Variants in NRXN1 observed in about 807,000 individuals in gnomAD.
The protein encoded by NRXN1 is neurexin 1, also known as neurexin-1.
In NRXN1, 39 loss-of-function variants were observed where a neutral mutation model predicts 150.9. The observed-to-expected ratio is 0.26, with a 90% confidence interval of 0.20 to 0.34. The LOEUF (loss-of-function observed/expected upper bound fraction) is 0.34, where lower values mean the gene tolerates loss of function less well. NRXN1 is among the 10% of genes least tolerant of loss of function. The pLI, the probability that NRXN1 is intolerant of heterozygous loss-of-function variation, is 1.00. For missense variants in NRXN1, 1,815 were observed against 1,949.9 expected (o/e 0.93, Z 1.30); for synonymous variants, 924 against 757.0 (o/e 1.22, Z -3.62).
intron 15 of NRXN1, among the ~76,000 whole-genome samples, chr2:50,489,431 T>C (rs2091101979): frequency 6.6e-6 from 1 of 152,228 alleles, no homozygotes; most frequent in East Asian, 1.9e-4. Context: ...TTCTTTTCAG[T>C]GTGTTGCTGC....
intron 21 of NRXN1, among the ~76,000 whole-genome samples, chr2:49,977,267 T>G (rs1679152127): frequency 6.6e-6 from 1 of 151,970 alleles, no homozygotes; most frequent in Non-Finnish European, 1.5e-5. Flanking sequence ...CGGATGGTGA[T>G]TTTGCTCCAT....
intron 17 of NRXN1, among the ~76,000 whole-genome samples, chr2:50,249,376 A>T (rs1394606909): frequency 6.6e-6 from 1 of 152,040 alleles, no homozygotes; most frequent in Non-Finnish European, 1.5e-5. Flanking sequence ...TGAGTGGGGC[A>T]TTTTGACACA....
chr2:50,996,562 G>C (rs1171376974), intron 2 of NRXN1, among the ~76,000 whole-genome samples: 1 of 152,036 alleles, frequency 6.6e-6, no homozygotes, highest in Non-Finnish European at 1.5e-5. Context: ...CAGAAATCTT[G>C]AGTTGACATC....
intron 5 of NRXN1, chr2:50,918,704 G>C (rs542780250): frequency 1.6e-4 from 53 of 336,894 alleles, no homozygotes; most frequent in African/African-American, 9.3e-4. Context: ...ACATACATAG[G>C]AAAAGAAACA....
intron 5 of NRXN1, among the ~76,000 whole-genome samples, chr2:50,784,839 G>T (rs1704855464): frequency 1.3e-5 from 2 of 152,034 alleles, no homozygotes; most frequent in Admixed American, 1.3e-4. Flanking sequence ...GATCCATAGT[G>T]GGGGCACTGT....
intron 5 of NRXN1, among the ~76,000 whole-genome samples, chr2:50,726,370 C>T (rs560575568): frequency 1.3e-5 from 2 of 152,140 alleles, no homozygotes; most frequent in Non-Finnish European, 2.9e-5. Context: ...ACCTTAGCTG[C>T]GCGTGGTGGC....
At chr2:50,895,429 C>G (rs1204219381) in intron 5 of NRXN1, among the ~76,000 whole-genome samples, 1 of 152,076 alleles carries the variant, frequency 6.6e-6, no homozygotes, top group Non-Finnish European at 1.5e-5. Flanking sequence ...CCACTTGAGC[C>G]TGTTTTCTCT....
intron 2 of NRXN1, among the ~76,000 whole-genome samples, chr2:50,990,809 T>C (rs577829703): frequency 2.6e-5 from 4 of 152,094 alleles, no homozygotes; most frequent in Admixed American, 1.3e-4. Context: ...AGCTGAAGTG[T>C]CGTAGTGCTG....
chr2:50,282,301 G>A (rs770790589), intron 17 of NRXN1, among the ~76,000 whole-genome samples: 6 of 152,096 alleles, frequency 3.9e-5, no homozygotes, highest in Non-Finnish European at 7.4e-5. Context: ...TTAATTTTAG[G>A]CAGGTCACTC....
chr2:49,988,044 C>T (rs1681231934), intron 21 of NRXN1, among the ~76,000 whole-genome samples: 1 of 151,962 alleles, frequency 6.6e-6, no homozygotes, highest in African/African-American at 2.4e-5. Flanking sequence ...ACTGCCAAAT[C>T]AGATCCTTTG....
At chr2:50,366,057 C>T (rs932802740) in intron 17 of NRXN1, among the ~76,000 whole-genome samples, 5 of 151,500 alleles carry the variant, frequency 3.3e-5, no homozygotes, top group African/African-American at 9.7e-5. Context: ...ATGTTACTTT[C>T]ACCCAACATA....
intron 5 of NRXN1, among the ~76,000 whole-genome samples, chr2:50,745,736 G>A (rs577623623): frequency 2.6e-5 from 4 of 152,004 alleles, no homozygotes; most frequent in African/African-American, 4.8e-5. Context: ...AACGAGAACC[G>A]ATTAAAGGGG....
chr2:50,345,368 A>C (rs571101706), intron 17 of NRXN1, among the ~76,000 whole-genome samples: 72 of 152,254 alleles, frequency 4.7e-4, no homozygotes, highest in African/African-American at 1.7e-3. Flanking sequence ...GCATCCATGG[A>C]ATAAAGGGCC....
intron 17 of NRXN1, among the ~76,000 whole-genome samples, chr2:50,462,774 G>T (rs1432850580): frequency 1.3e-5 from 2 of 151,744 alleles, no homozygotes; most frequent in African/African-American, 4.8e-5. Flanking sequence ...ATTTATCCAA[G>T]ATTACATTTA....
chr2:50,335,597 A>T (rs1456165219), intron 17 of NRXN1, among the ~76,000 whole-genome samples: 1 of 152,224 alleles, frequency 6.6e-6, no homozygotes, highest in Non-Finnish European at 1.5e-5. Flanking sequence ...GAGGAAAAAA[A>T]TATTCAACAC....
intron 5 of NRXN1, among the ~76,000 whole-genome samples, chr2:50,711,329 CTTTTT>C (rs765521627): frequency 1.1e-5 from 1 of 89,876 alleles, no homozygotes; most frequent in Non-Finnish European, 2.2e-5. Context: ...AGGTACTGGA[CTTTTT>C]TTTTTTTTTT....
At chr2:50,115,922 C>A (rs558284962) in intron 18 of NRXN1, among the ~76,000 whole-genome samples, 1 of 152,136 alleles carries the variant, frequency 6.6e-6, no homozygotes, top group African/African-American at 2.4e-5. Context: ...AGTAATTTTT[C>A]ATAGGATCAG....
intron 18 of NRXN1, among the ~76,000 whole-genome samples, chr2:50,156,728 T>C (rs1376429485): frequency 6.6e-6 from 1 of 151,974 alleles, no homozygotes; most frequent in East Asian, 1.9e-4. Flanking sequence ...TATATGAGTA[T>C]GTAAGATAAC....
chr2:50,183,357 A>C (rs187500383), intron 18 of NRXN1, among the ~76,000 whole-genome samples: 55 of 152,000 alleles, frequency 3.6e-4, no homozygotes, highest in African/African-American at 1.3e-3. Context: ...AAGTGTAATA[A>C]AATTCAGCAA....
Sources: gnomAD v4.1 joint callset for allele counts (sites outside exome capture counted in the v4.1 genomes callset) on GRCh38, gnomAD v4.1.1 for gene constraint, MANE v1.5 for transcripts, NCBI Gene and HGNC (gene_info 2026-07-23, HGNC 2026-07-21) for gene names.